PDE3B: variants seen among roughly 807,000 people sequenced by gnomAD.
The protein encoded by PDE3B is cGMP-inhibited 3',5'-cyclic phosphodiesterase 3B.
Under a neutral mutation model 116.8 loss-of-function variants are expected in PDE3B, and 66 were observed. The ratio of observed to expected loss-of-function variants is 0.56; its 90% CI spans 0.46 to 0.69. PDE3B has a LOEUF of 0.69. Among genes scored for constraint, PDE3B ranks in the 30% least tolerant of loss-of-function variants. The pLI, the probability that PDE3B is intolerant of heterozygous loss-of-function variation, is 0.00. For missense variants in PDE3B, 1,384 were observed against 1,368.1 expected (o/e 1.01, Z -0.18); for synonymous variants, 595 against 533.6 (o/e 1.12, Z -1.59).
intron 1 of PDE3B, among the ~76,000 whole-genome samples, chr11:14,714,939 A>C (rs1015121515): frequency 5.9e-5 from 9 of 152,062 alleles, no homozygotes; most frequent in Non-Finnish European, 1.3e-4. Flanking sequence ...TTAAAATATA[A>C]TATCTTAAAT....
chr11:14,843,967 C>A lies in PDE3B; in HGVS notation c.2461C>A (p.His821Asn). The A allele has an allele frequency of 6.2e-7, 1 of 1,614,072 alleles. No homozygotes were observed. The highest frequency in any genetic ancestry group is 1.1e-5 in the South Asian group (1 of 91,088). ...GGCTCTATACGTGGCAGCTGCCATG[C>A]ATGATTATGATCACCCAGGGAGGAC... ...LMALYVAAAM[H>N]DYDHPGRTNA... The change falls in exon 12 of 16, where the codon CAT becomes AAT. Residue 821 changes from histidine to asparagine, a missense_variant. This residue lies in a region of PDE3B where 428 missense variants were observed against 561.4 expected (regional missense o/e 0.76). Transcript: ENST00000282096.
chr11:14,769,082 C>A (rs1857567961), intron 1 of PDE3B, among the ~76,000 whole-genome samples: 1 of 151,224 alleles, frequency 6.6e-6, no homozygotes, highest in African/African-American at 2.4e-5. Context: ...TAGTTTTCAT[C>A]CTAGAGAAAG....
rs539045110 is a variant in PDE3B at position 14,692,426 on chromosome 11, G to A, written c.978+47373G>A. 7.4e-4 allele frequency among the ~76,000 whole-genome samples: 113 copies of A among 151,990 alleles called. 2 individuals carry two copies. The highest frequency in any genetic ancestry group is 1.3e-3 in the Non-Finnish European group (91 of 68,006). On this transcript the variant is annotated intron_variant, in intron 1 of 15. Coordinates refer to ENST00000282096, the MANE Select transcript of PDE3B (RefSeq NM_000922.4). Reference sequence around the variant, plus strand: ...AAGGGAATAAAACTTAGTATGTTTCGCAGATACTGTGTTTTTCACAAATTG... The same window carrying A: ...AAGGGAATAAAACTTAGTATGTTTCACAGATACTGTGTTTTTCACAAATTG...
At chr11:14,664,002 CCA>C (rs1854032824) in intron 1 of PDE3B, among the ~76,000 whole-genome samples, 1 of 152,114 alleles carries the variant, frequency 6.6e-6, no homozygotes, top group African/African-American at 2.4e-5. Flanking sequence ...CCAAAATTGA[CCA>C]CATAGTTGGA....
intron 1 of PDE3B, among the ~76,000 whole-genome samples, chr11:14,733,075 G>C (rs141599852): frequency 5.1e-4 from 78 of 152,244 alleles, no homozygotes; most frequent in Non-Finnish European, 6.8e-4. Flanking sequence ...TTGAACAGTA[G>C]TATGCATATT....
In PDE3B at chr11:14,791,378, G is replaced by A. The variant is rs558927573; in HGVS notation, c.1415+2136G>A. ...TTTCCTGAGCCTATGCCTGATACCA[G>A]GTTTCTCATCATTCCAGCTGCTTTT... On this transcript the variant is annotated intron_variant, in intron 4 of 15. Transcript: ENST00000282096. Among the ~76,000 whole-genome samples the A allele has an allele frequency of 2.0e-5, 3 of 152,068 alleles. No individual in the cohort carries two copies. In the South Asian group the frequency reaches 6.2e-4, roughly 32 times the overall value.
intron 4 of PDE3B, among the ~76,000 whole-genome samples, chr11:14,798,300 A>G (rs963428139): frequency 6.6e-6 from 1 of 152,276 alleles, no homozygotes; most frequent in East Asian, 1.9e-4. Flanking sequence ...CGTGGTGGGT[A>G]AGCTTTTTGA....
the PDE3B span, chr11:14,886,019 T>TA: frequency 8.6e-7 from 1 of 1,161,448 alleles, no homozygotes; most frequent in African/African-American, 1.5e-5. Flanking sequence ...CAGGATTTGT[T>TA]ACGTCCCTGA....
chr11:14,673,776 A>T, intron 1 of PDE3B: 1 of 789,592 alleles, frequency 1.3e-6, no homozygotes, highest in South Asian at 1.3e-5. Flanking sequence ...GAGATGTGGC[A>T]CTCCATACAC....
chr11:14,798,838 C>T (rs11828911), intron 4 of PDE3B, among the ~76,000 whole-genome samples: 2,784 of 152,020 alleles, frequency 0.018, 86 homozygotes, highest in African/African-American at 0.064. Flanking sequence ...CCTTATTAGC[C>T]TGGCTAGTGG....
chr11:14,867,637 T>G lies in PDE3B; in HGVS notation c.3018T>G (p.Ala1006=), dbSNP rs782817843. ...VGPLCNSYDA[A]GLLPGQWLEA... ...CCCTGTGTAACTCCTATGATGCTGC[T>G]GGTTTGCTACCAGGTCAGTGGTTAG... Residue 1006 remains alanine (A), a synonymous_variant, in exon 15 of 16, where the codon GCT becomes GCG. Coordinates refer to ENST00000282096, the MANE Select transcript of PDE3B (RefSeq NM_000922.4). 104 of 1,614,022 alleles carry G rather than the reference T, an allele frequency of 6.4e-5. No homozygotes were observed. The highest frequency in any genetic ancestry group is 2.0e-4 in the Admixed American group (12 of 59,976).
chr11:14,726,888 G>C (rs1471256695), intron 1 of PDE3B, among the ~76,000 whole-genome samples: 1 of 152,128 alleles, frequency 6.6e-6, no homozygotes, highest in Non-Finnish European at 1.5e-5. Context: ...GAAGAACAGA[G>C]AATTGAATGA....
chr11:14,819,233 ATTTGAG>A, intron 7 of PDE3B, 24 bp downstream of exon 7: 2 of 1,433,218 alleles, frequency 1.4e-6, no homozygotes, highest in Non-Finnish European at 9.7e-7. Context: ...AGTCATATGT[ATTTGAG>A]TTTAAGAGAA....
intron 5 of PDE3B, among the ~76,000 whole-genome samples, chr11:14,807,039 T>G (rs1375637481): frequency 6.6e-6 from 1 of 151,706 alleles, no homozygotes; most frequent in Non-Finnish European, 1.5e-5. Flanking sequence ...TTCTCACTCA[T>G]AAGTGGGAGT....
intron 1 of PDE3B, among the ~76,000 whole-genome samples, chr11:14,754,201 A>G (rs1351938648): frequency 1.3e-5 from 2 of 152,074 alleles, no homozygotes; most frequent in Non-Finnish European, 2.9e-5. Context: ...TTACATGTAT[A>G]TTTATGGGAA....
intron 1 of PDE3B, among the ~76,000 whole-genome samples, chr11:14,665,754 T>A (rs986806320): frequency 3.9e-5 from 6 of 152,196 alleles, no homozygotes; most frequent in Non-Finnish European, 5.9e-5. Flanking sequence ...CAAGGAGAAC[T>A]ACAAACCACT....
intron 1 of PDE3B, among the ~76,000 whole-genome samples, chr11:14,667,740 A>T (rs980697252): frequency 1.3e-5 from 2 of 151,838 alleles, no homozygotes; most frequent in East Asian, 3.9e-4. Context: ...CTAATGCTAA[A>T]TGACAAGTTA....
At chr11:14,784,047 G>A (rs767484186) in intron 2 of PDE3B, among the ~76,000 whole-genome samples, 1 of 152,168 alleles carries the variant, frequency 6.6e-6, no homozygotes, top group Non-Finnish European at 1.5e-5. Flanking sequence ...CAAGGGATTT[G>A]GGGTTGTACG....
At chr11:14,667,103 C>T (rs1206654177) in intron 1 of PDE3B, among the ~76,000 whole-genome samples, 5 of 151,990 alleles carry the variant, frequency 3.3e-5, no homozygotes, top group East Asian at 1.9e-4. Context: ...ACTATGCAGC[C>T]GTAAAAAATG....
Sources: allele counts gnomAD v4.1 joint callset (sites outside exome capture counted in the v4.1 genomes callset), GRCh38; gene constraint gnomAD v4.1.1; regional missense constraint gnomAD v4.1.1; transcripts MANE v1.5; gene names NCBI Gene and HGNC (gene_info 2026-07-23, HGNC 2026-07-21).